SLC1A3: variants seen among roughly 807,000 people sequenced by gnomAD.
SLC1A3 encodes solute carrier family 1 member 3.
In SLC1A3, 21 loss-of-function variants were observed where a neutral mutation model predicts 48.1. That is an observed-to-expected ratio of 0.44 (90% CI 0.31 to 0.63). The LOEUF (loss-of-function observed/expected upper bound fraction) is 0.63. Among genes scored for constraint, SLC1A3 ranks in the 20% least tolerant of loss-of-function variants. The pLI is 0.08. For missense variants in SLC1A3, 546 were observed against 689.0 expected (o/e 0.79, Z 2.32); for synonymous variants, 239 against 251.4 (o/e 0.95, Z 0.47).
chr5:36,682,726 C>T (rs1011608975), intron 8 of SLC1A3, among the ~76,000 whole-genome samples: 1 of 152,128 alleles, frequency 6.6e-6, no homozygotes, highest in African/African-American at 2.4e-5. Flanking sequence ...TTTAGTCAGT[C>T]GGAAGTGGGG....
chr5:36,674,080 T>A lies in SLC1A3; in HGVS notation c.556T>A (p.Cys186Ser), dbSNP rs137852620. 1 of 1,613,188 alleles carries A rather than the reference T, an allele frequency of 6.2e-7. No homozygotes were observed. The highest frequency in any genetic ancestry group is 8.5e-7 in the Non-Finnish European group (1 of 1,179,224). ...GTTCCCTCCAAATCTGGTAGAAGCC[T>A]GCTTTAAACAGGTAAACACTCTACA... is the stretch of plus-strand genomic sequence containing the variant. The part of the protein sequence containing the change: ...NMFPPNLVEA[C>S]FKQFKTNYEK... Residue 186 changes from cysteine (C) to serine (S), a missense_variant, in exon 5 of 10, where the codon TGC becomes AGC. Transcript: ENST00000265113.
chr5:36,601,161 C>A (rs1323357065), intron 1 of SLC1A3, among the ~76,000 whole-genome samples: 1 of 152,162 alleles, frequency 6.6e-6, no homozygotes, highest in Non-Finnish European at 1.5e-5. Context: ...AGATGTGTAT[C>A]TGTCTTGATT....
intron 8 of SLC1A3, among the ~76,000 whole-genome samples, chr5:36,681,462 A>G (rs1445092081): frequency 1.3e-5 from 2 of 152,176 alleles, no homozygotes; most frequent in Admixed American, 1.3e-4. Flanking sequence ...TCTTGGGTGA[A>G]TTTTTAGACA....
chr5:36,640,573 G>A (rs549733740), intron 3 of SLC1A3, among the ~76,000 whole-genome samples: 14 of 152,312 alleles, frequency 9.2e-5, no homozygotes, highest in African/African-American at 3.4e-4. Flanking sequence ...CCTCTCATAA[G>A]GCATTGGATT....
chr5:36,671,301 T>C (rs1423085033), intron 4 of SLC1A3, 68 bp downstream of exon 4: 1 of 1,139,638 alleles, frequency 8.8e-7, no homozygotes. Context: ...TGGTTACTAT[T>C]CAAACCCTGG....
At chr5:36,613,888 G>T (rs1306744341) in intron 2 of SLC1A3, among the ~76,000 whole-genome samples, 1 of 151,734 alleles carries the variant, frequency 6.6e-6, no homozygotes, top group East Asian at 1.9e-4. Context: ...TCCCCTGGGG[G>T]AAAAAAAATA....
chr5:36,671,273 C>A, intron 4 of SLC1A3, 40 bp downstream of exon 4: 1 of 1,405,380 alleles, frequency 7.1e-7, no homozygotes, highest in Non-Finnish European at 1.0e-6. Flanking sequence ...TGTATTTTCG[C>A]CATCCAGACC....
At chr5:36,601,420 A>G (rs899960899) in intron 1 of SLC1A3, among the ~76,000 whole-genome samples, 2 of 152,246 alleles carry the variant, frequency 1.3e-5, no homozygotes, top group Non-Finnish European at 2.9e-5. Flanking sequence ...TAGAATCAGG[A>G]AAGCGATTTG....
At chr5:36,602,771 G>A (rs534682505), upstream of SLC1A3, among the ~76,000 whole-genome samples, 13 of 152,276 alleles carry the variant, frequency 8.5e-5, no homozygotes, top group South Asian at 1.0e-3. Flanking sequence ...GTGTTCCCTA[G>A]GCTTCTGCCC....
rs1181267359 is a variant in SLC1A3, at chr5:36,680,502, G to A, written c.1202G>A (p.Gly401Glu). The A allele has an allele frequency of 6.2e-7, 1 of 1,614,008 alleles. No individual in the cohort carries two copies. Among genetic ancestry groups the A allele is most frequent in the African/African-American group, 1.3e-5 (1 of 74,902 alleles). The change falls in exon 8 of 10, where the codon GGG becomes GAG. Residue 401 changes from glycine to glutamate, a missense_variant. Physicochemically the swap from Gly to Glu is moderately conservative, Grantham distance 98. Transcript: ENST00000265113. ...LPVGATINMD[G>E]TALYEALAAI... is the part of the protein sequence containing the mutation. ...GTAGGAGCCACCATTAACATGGATG[G>A]GACTGCCCTCTATGAGGCTTTGGCT...
At chr5:36,618,697 C>CA (rs139187650) in intron 2 of SLC1A3, among the ~76,000 whole-genome samples, 24,169 of 152,140 alleles carry the variant, frequency 0.16, 3,023 homozygotes, top group African/African-American at 0.34. Flanking sequence ...CTTTGCTGTG[C>CA]ACCAGCATAT....
intron 8 of SLC1A3, among the ~76,000 whole-genome samples, chr5:36,682,027 A>G (rs752147357): frequency 2.0e-5 from 3 of 152,184 alleles, no homozygotes; most frequent in African/African-American, 7.2e-5. Context: ...CCATTATGAC[A>G]TTTCACCTGT....
At chr5:36,685,542 C>G (rs529021550) in intron 9 of SLC1A3, among the ~76,000 whole-genome samples, 2 of 152,336 alleles carry the variant, frequency 1.3e-5, no homozygotes, top group Non-Finnish European at 2.9e-5. Context: ...TCCCAAAGTG[C>G]TGAGATTACA....
intron 3 of SLC1A3, among the ~76,000 whole-genome samples, chr5:36,637,401 T>C (rs1296778728): frequency 2.6e-5 from 4 of 152,256 alleles, no homozygotes; most frequent in Non-Finnish European, 4.4e-5. Context: ...TGTGAGATGC[T>C]GCTTTCCAGA....
rs912589674 is a variant in SLC1A3, at chr5:36,609,186, A to T, written c.181+582A>T. ...CATTCATTGCTTTGCAGAGCCTGCCATAACCAGCTATACCTTTTTTTGAAT... is the reference window on the plus strand; with the variant it reads ...CATTCATTGCTTTGCAGAGCCTGCCTTAACCAGCTATACCTTTTTTTGAAT... On this transcript the variant is annotated intron_variant, in intron 2 of 9. Transcript: ENST00000265113. The T allele has an allele frequency of 3.0e-6, 3 of 983,660 alleles. No homozygotes were observed. In the African/African-American group the frequency reaches 5.2e-5, roughly 17 times the overall value. 60.9% of individuals were successfully genotyped at this position (983,660 alleles called of 1,614,324 possible). A position where few individuals can be genotyped will look rare whatever the true frequency, so the allele number is the denominator to read the frequency against.
chr5:36,642,727 C>T (rs1740664628), intron 3 of SLC1A3, among the ~76,000 whole-genome samples: 1 of 152,134 alleles, frequency 6.6e-6, no homozygotes, highest in African/African-American at 2.4e-5. Flanking sequence ...TTCCCCCAAG[C>T]CCTCAGCCCC....
At chr5:36,680,666 C>A in intron 8 of SLC1A3, 77 bp downstream of exon 8, 1 of 1,304,830 alleles carries the variant, frequency 7.7e-7, no homozygotes, top group Non-Finnish European at 1.1e-6. Context: ...GCCTGTAATC[C>A]TAACACTTTG....
chr5:36,638,221 G>A (rs1305228205), intron 3 of SLC1A3, among the ~76,000 whole-genome samples: 1 of 152,112 alleles, frequency 6.6e-6, no homozygotes, highest in Non-Finnish European at 1.5e-5. Flanking sequence ...CTTCTTGAAG[G>A]TACTGTGTCT....
intron 3 of SLC1A3, among the ~76,000 whole-genome samples, chr5:36,654,886 CA>C (rs767367369): frequency 6.6e-6 from 1 of 152,188 alleles, no homozygotes; most frequent in Non-Finnish European, 1.5e-5. Flanking sequence ...AAAAGGTAAA[CA>C]GGGGCCAGCT....
Sources: gnomAD v4.1 joint callset for allele counts (sites outside exome capture counted in the v4.1 genomes callset) on GRCh38, gnomAD v4.1.1 for gene constraint, MANE v1.5 for transcripts, NCBI Gene and HGNC (gene_info 2026-07-23, HGNC 2026-07-21) for gene names.